The following SRPRB variants were observed in gnomAD, a reference collection of about 807,000 sequenced individuals.
SRPRB encodes the protein signal recognition particle receptor subunit beta.
A neutral mutation model predicts 31.9 loss-of-function variants in SRPRB; 20 were observed. The ratio of observed to expected loss-of-function variants is 0.63; its 90% CI spans 0.44 to 0.91. The LOEUF is 0.91. SRPRB is among the 40% of genes least tolerant of loss of function. The probability of loss-of-function intolerance (pLI) is 0.00; values close to 1 mark genes in which losing one functional copy is unlikely to be tolerated. For missense variants in SRPRB, 321 were observed against 324.9 expected, an observed-to-expected ratio of 0.99 and a Z score of 0.09; for synonymous variants, 146 against 132.8, an observed-to-expected ratio of 1.10 and a Z score of -0.68.
chr3:133,789,879 GTT>G lies in SRPRB; in HGVS notation c.-174+5763_-174+5764del, dbSNP rs56267966. On this transcript the variant is annotated intron_variant, in intron 1 of 7. Transcript: ENST00000466490. ...GCCAAAACAAAACGATCTCGTTTGC[GTT>G]TTTTTTTTTTTTTTTTTTTTTTTTT... The G allele has an allele frequency of 9.0e-3, 802 of 88,800 alleles. 1 individual carries two copies. Among genetic ancestry groups the G allele is most frequent in the African/African-American group, 0.017 (311 of 18,208 alleles). The allele number at this position is 88,800 out of a possible 1,614,324, so 5.5% of individuals were successfully genotyped here. A position where few individuals can be genotyped will look rare whatever the true frequency, so the allele number is the denominator to read the frequency against.
At chr3:133,803,153 C>T (rs1437462318), upstream of SRPRB, among the ~76,000 whole-genome samples, 1 of 152,170 alleles carries the variant, frequency 6.6e-6, no homozygotes, top group African/African-American at 2.4e-5. Flanking sequence ...TGCCTAAATG[C>T]TCTCAGCTGG....
chr3:133,822,203 T>C (rs944413647), downstream of SRPRB, among the ~76,000 whole-genome samples: 1 of 151,898 alleles, frequency 6.6e-6, no homozygotes, highest in African/African-American at 2.4e-5. Context: ...TAGATGAGAC[T>C]TTTGAGCTTG....
chr3:133,797,581 T>C (rs1448968670), intron 1 of SRPRB, among the ~76,000 whole-genome samples: 1 of 152,236 alleles, frequency 6.6e-6, no homozygotes, highest in African/African-American at 2.4e-5. Context: ...CTAGGGATGG[T>C]TGCATTTGAG....
chr3:133,820,043 G>A lies in SRPRB; in HGVS notation c.*277G>A, dbSNP rs868608375. On this transcript the variant is annotated 3_prime_UTR_variant, in exon 7 of 7. Coordinates refer to ENST00000678299, the MANE Select transcript of SRPRB (RefSeq NM_001379313.1). ...AACTTGATGTAGGGTCAAGGTTTTTGTGACAACAGGCAGACTCCACACAGA... is the reference window on the plus strand; with the variant it reads ...AACTTGATGTAGGGTCAAGGTTTTTATGACAACAGGCAGACTCCACACAGA... The A allele has an allele frequency of 1.3e-5, 5 of 386,988 alleles. No homozygotes were observed. Among genetic ancestry groups the A allele is most frequent in the Non-Finnish European group, 2.4e-5 (5 of 209,970 alleles). The allele number at this position is 386,988 out of a possible 1,614,324, so 24.0% of individuals were successfully genotyped here.
chr3:133,826,443 A>G (rs1935564401), downstream of SRPRB: 1 of 152,548 alleles, frequency 6.6e-6, no homozygotes, highest in Non-Finnish European at 1.5e-5. Flanking sequence ...AAAATCTACC[A>G]TACGTTCATT....
chr3:133,802,384 C>T (rs1935075181), upstream of SRPRB, among the ~76,000 whole-genome samples: 1 of 152,080 alleles, frequency 6.6e-6, no homozygotes, highest in Non-Finnish European at 1.5e-5. Context: ...CCAGCCTGGG[C>T]AACAGAGTGA....
At chr3:133,792,906 CAG>C (rs1408815472) in intron 1 of SRPRB, 3 of 152,044 alleles carry the variant, frequency 2.0e-5, no homozygotes, top group African/African-American at 4.8e-5. Context: ...AAAGCACAAA[CAG>C]GGTTTTCTTA....
chr3:133,794,072 A>T (rs972030518), intron 1 of SRPRB: 1 of 152,252 alleles, frequency 6.6e-6, no homozygotes, highest in Non-Finnish European at 1.5e-5. Context: ...ATCAGTTATC[A>T]GTGTTATGCA....
At chr3:133,795,347 G>A (rs1008191157) in intron 1 of SRPRB, 6 of 152,058 alleles carry the variant, frequency 3.9e-5, no homozygotes, top group Admixed American at 3.3e-4. Context: ...TTCTCTCAAC[G>A]GTTTTAAATG....
At chr3:133,806,447 G>T in intron 1 of SRPRB, 162 bp from the exon 2 acceptor site, 1 of 595,816 alleles carries the variant, frequency 1.7e-6, no homozygotes, top group South Asian at 2.3e-5. Flanking sequence ...CTGGCTCTCA[G>T]TGGATCCCTA....
At chr3:133,806,462 C>G in intron 1 of SRPRB, 147 bp from the exon 2 acceptor site, 1 of 628,944 alleles carries the variant, frequency 1.6e-6, no homozygotes, top group Non-Finnish European at 2.8e-6. Context: ...TCCCTAACAA[C>G]AGCAATAGTA....
Position 133,815,582 on chromosome 3 carries a change from C to G in SRPRB, c.411-8C>G, listed in dbSNP as rs765183707. 18 of 1,611,792 alleles carry G rather than the reference C, an allele frequency of 1.1e-5. No homozygotes were observed. The highest frequency in any genetic ancestry group is 1.5e-5 in the Non-Finnish European group (18 of 1,179,170). On this transcript the variant is annotated splice_region_variant and splice_polypyrimidine_tract_variant and intron_variant, in intron 4 of 6. Transcript: ENST00000678299. ...CACATGCCAGTTTTTCTTGTTTTCT[C>G]CCTCCAGGGCTATTGTGTTTGTTGT...
Position 133,819,945 on chromosome 3 carries a change from A to G in SRPRB, c.*179A>G. ...TTTTTTTTTTTTTTTTTTTAAGTTC[A>G]GTTCTCCCTTATGGCTGCCTTTCAA... On this transcript the variant is annotated 3_prime_UTR_variant, in exon 7 of 7. Transcript: ENST00000678299. The G allele has an allele frequency of 1.7e-6, 1 of 589,444 alleles. No homozygotes were observed. Among genetic ancestry groups the G allele is most frequent in the Non-Finnish European group, 2.9e-6 (1 of 339,730 alleles). The allele number at this position is 589,444 out of a possible 1,614,324, so 36.5% of individuals were successfully genotyped here.
rs75496501 is a variant in SRPRB at position 133,819,918 on chromosome 3, ATTTTT to A, written c.*168_*172del. The A allele has an allele frequency of 4.8e-5, 26 of 542,308 alleles. No individual in the cohort carries two copies. Among genetic ancestry groups the A allele is most frequent in the Non-Finnish European group, 5.7e-5 (18 of 314,262 alleles). The allele number at this position is 542,308 out of a possible 1,614,324, so 33.6% of individuals were successfully genotyped here. ...AAAGTACTGTTGAAACCAGCTTGGA[ATTTTT>A]TTTTTTTTTTTTTTTAAGTTCAGTT... On this transcript the variant is annotated 3_prime_UTR_variant, in exon 7 of 7. Coordinates refer to ENST00000678299, the MANE Select transcript of SRPRB (RefSeq NM_001379313.1).
In SRPRB at chr3:133,786,236, AAAAAC is replaced by A. The variant is rs1452121383; in HGVS notation, c.-174+2095_-174+2099del. The A allele has an allele frequency of 1.8e-4, 14 of 77,398 alleles. 2 individuals are homozygous for A. Among genetic ancestry groups the A allele is most frequent in the African/African-American group, 4.8e-4 (14 of 28,910 alleles). 4.8% of individuals were successfully genotyped at this position (77,398 alleles called of 1,614,324 possible). ...AAAAAATAAATTAAAAAAAAAAAAA[AAAAAC>A]AATACTATTTTTTGAACTATCTACC... On this transcript the variant is annotated intron_variant, in intron 1 of 7. Transcript: ENST00000466490.
At chr3:133,822,860 G>A (rs897071677), downstream of SRPRB, among the ~76,000 whole-genome samples, 2 of 152,108 alleles carry the variant, frequency 1.3e-5, no homozygotes, top group African/African-American at 4.8e-5. Flanking sequence ...ATTTAAATGC[G>A]CAGGAAAACA....
chr3:133,821,641 T>C (rs1935477526), downstream of SRPRB: 1 of 152,244 alleles, frequency 6.6e-6, no homozygotes, highest in South Asian at 2.1e-4. Context: ...AGGATAATTC[T>C]ATCTGGAACA....
chr3:133,814,982 G>A (rs1935341509), intron 4 of SRPRB, among the ~76,000 whole-genome samples: 1 of 152,172 alleles, frequency 6.6e-6, no homozygotes, highest in Non-Finnish European at 1.5e-5. Context: ...GTCTGACTTG[G>A]TTCTCCTTCA....
intron 1 of SRPRB, chr3:133,790,048 T>G (rs1934794013): frequency 1.3e-5 from 2 of 151,752 alleles, no homozygotes; most frequent in Non-Finnish European, 2.9e-5. Flanking sequence ...AATAACTGAC[T>G]TTAAAAGATA....
Sources: allele counts gnomAD v4.1 joint callset (sites outside exome capture counted in the v4.1 genomes callset), GRCh38; gene constraint gnomAD v4.1.1; transcripts MANE v1.5; gene names NCBI Gene and HGNC (gene_info 2026-07-23, HGNC 2026-07-21).